TRIP11: variants seen among roughly 807,000 people sequenced by gnomAD.
TRIP11 encodes the protein thyroid hormone receptor interactor 11, also known as thyroid receptor-interacting protein 11.
A neutral mutation model predicts 223.1 loss-of-function variants in TRIP11; 148 were observed. The ratio of observed to expected loss-of-function variants is 0.66; its 90% confidence interval spans 0.58 to 0.76. The LOEUF (loss-of-function observed/expected upper bound fraction) is 0.76. TRIP11 is among the 30% of genes least tolerant of loss of function. The pLI is 0.00. For missense variants in TRIP11, 2,043 were observed against 2,222.0 expected, an observed-to-expected ratio of 0.92 and a Z score of 1.62; for synonymous variants, 762 against 772.6, an observed-to-expected ratio of 0.99 and a Z score of 0.23.
chr14:92,012,292 T>C (rs541452278), intron 7 of TRIP11, among the ~76,000 whole-genome samples: 24 of 152,238 alleles, frequency 1.6e-4, no homozygotes, highest in Non-Finnish European at 2.9e-4. Context: ...GATAGATCTA[T>C]AAAAAGAAGA....
chr14:91,968,464 T>C lies in TRIP11; in HGVS notation c.*1209A>G, dbSNP rs2056361282. Reference sequence around the variant, plus strand: ...ACCGTGATAACAGTTGACTCTCGGATTGCTGTACCTCATATGTCAACACCG... The same window carrying C: ...ACCGTGATAACAGTTGACTCTCGGACTGCTGTACCTCATATGTCAACACCG... On this transcript the variant is annotated 3_prime_UTR_variant, in exon 21 of 21. Coordinates refer to ENST00000267622, the MANE Select transcript of TRIP11 (RefSeq NM_004239.4). 1 of 212,910 alleles carries C rather than the reference T, an allele frequency of 4.7e-6. No individual in the cohort carries two copies. The highest frequency in any genetic ancestry group is 5.9e-5 in the Admixed American group (1 of 16,958). 13.2% of individuals were successfully genotyped at this position (212,910 alleles called of 1,614,324 possible).
chr14:92,035,953 T>G (rs2140152338), intron 1 of TRIP11, among the ~76,000 whole-genome samples: 1 of 152,322 alleles, frequency 6.6e-6, no homozygotes, highest in East Asian at 1.9e-4. Context: ...AAACCCATCC[T>G]GGGCCACATG....
Position 92,003,708 on chromosome 14 carries a change from A to G in TRIP11, c.4268T>C (p.Leu1423Pro), listed in dbSNP as rs1424857478. The change falls in exon 11 of 21, where the codon CTA becomes CCA. Residue 1423 changes from leucine (L) to proline (P), a missense_variant. Coordinates refer to ENST00000267622, the MANE Select transcript of TRIP11 (RefSeq NM_004239.4). ...AGTGAAATTTTCATTGGAAGAAAGTAGTTGATCACTTTTGGCTTTGATTAA... is the reference window on the plus strand; with the variant it reads ...AGTGAAATTTTCATTGGAAGAAAGTGGTTGATCACTTTTGGCTTTGATTAA... ...DLLIKAKSDQ[L>P]LSSNENFTNK... The G allele has an allele frequency of 1.9e-6, 3 of 1,614,200 alleles. No homozygotes were observed. The highest frequency in any genetic ancestry group is 2.5e-6 in the Non-Finnish European group (3 of 1,180,030).
intron 17 of TRIP11, among the ~76,000 whole-genome samples, chr14:91,975,816 G>A (rs760153059): frequency 8.6e-5 from 13 of 151,996 alleles, no homozygotes; most frequent in Non-Finnish European, 1.6e-4. Context: ...AAAAAAGAAT[G>A]GTAAAAATAA....
At chr14:92,000,555 C>CA (rs2056810841) in intron 11 of TRIP11, among the ~76,000 whole-genome samples, 1 of 152,104 alleles carries the variant, frequency 6.6e-6, no homozygotes, top group Admixed American at 6.5e-5. Flanking sequence ...CCTATCTTTG[C>CA]AAATTTTCTA....
Position 91,966,766 on chromosome 14 carries a change from A to T in TRIP11, c.*2907T>A, listed in dbSNP as rs571421519. On this transcript the variant is annotated 3_prime_UTR_variant, in exon 21 of 21. Coordinates refer to ENST00000267622, the MANE Select transcript of TRIP11 (RefSeq NM_004239.4). Reference sequence around the variant, plus strand: ...CCAGTATTATGCTAAAATTAAATTCAGTAGTTAGATGAATTTTCTACTACA... The same window carrying T: ...CCAGTATTATGCTAAAATTAAATTCTGTAGTTAGATGAATTTTCTACTACA... The T allele has an allele frequency of 4.7e-6, 1 of 213,374 alleles. No individual in the cohort carries two copies. Among genetic ancestry groups the T allele is most frequent in the South Asian group, 1.9e-4 (1 of 5,348 alleles). 13.2% of individuals were successfully genotyped at this position (213,374 alleles called of 1,614,324 possible).
In TRIP11 at chr14:92,039,611, G is replaced by A. The variant is rs139842707; in HGVS notation, c.75C>T (p.Ser25=). The A allele has an allele frequency of 1.7e-5, 27 of 1,613,234 alleles. No homozygotes were observed. In the African/African-American group the frequency reaches 3.1e-4, roughly 18 times the overall value. The change falls in exon 1 of 21, where the codon TCC becomes TCT. Residue 25 remains serine, a synonymous_variant. Coordinates refer to ENST00000267622, the MANE Select transcript of TRIP11 (RefSeq NM_004239.4). Reference sequence around the variant, plus strand: ...TAAAGTTTGATATCTGGCCAGTGAGGGAAGCCAGGCTGCCCCCGACTTGAC... The same window carrying A: ...TAAAGTTTGATATCTGGCCAGTGAGAGAAGCCAGGCTGCCCCCGACTTGAC... The part of the protein sequence containing the change: ...SLGQVGGSLA[S]LTGQISNFTK...
rs2056881053 is a variant in TRIP11 at position 92,005,065 on chromosome 14, T to C, written c.2911A>G (p.Thr971Ala). Residue 971 changes from threonine to alanine, a missense_variant, in exon 11 of 21, where the codon ACA becomes GCA. By Grantham distance (58) the Thr-to-Ala change is moderately conservative. Transcript: ENST00000267622. ...KDEEIKSLQKTIEQIKTQLHE... is the reference protein window; with the variant it reads ...KDEEIKSLQKAIEQIKTQLHE... Reference sequence around the variant, plus strand: ...AACTGGGTTTTGATTTGTTCAATTGTTTTTTGCAAACTCTTAATTTCCTCA... The same window carrying C: ...AACTGGGTTTTGATTTGTTCAATTGCTTTTTGCAAACTCTTAATTTCCTCA... 5.6e-6 allele frequency: 9 copies of C among 1,613,870 alleles called. No homozygotes were observed. The highest frequency in any genetic ancestry group is 6.8e-6 in the Non-Finnish European group (8 of 1,180,044).
At chr14:91,995,859 A>G (rs1266695714) in intron 13 of TRIP11, among the ~76,000 whole-genome samples, 2 of 151,944 alleles carry the variant, frequency 1.3e-5, no homozygotes, top group Non-Finnish European at 2.9e-5. Context: ...CAGGTAATCC[A>G]CCCACCTTGG....
chr14:92,029,955 T>C (rs2057242180), intron 2 of TRIP11, among the ~76,000 whole-genome samples: 1 of 152,016 alleles, frequency 6.6e-6, no homozygotes. Flanking sequence ...CCCAGCACTT[T>C]GGGAGGCCGA....
In TRIP11 at chr14:91,995,236, C is replaced by A; in HGVS notation, c.5056+116G>T. 1.1e-5 allele frequency: 13 copies of A among 1,234,102 alleles called. No homozygotes were observed. The South Asian group carries it at 1.4e-4, about 13-fold the overall frequency. 76.4% of individuals were successfully genotyped at this position (1,234,102 alleles called of 1,614,324 possible). A position where few individuals can be genotyped will look rare whatever the true frequency, so the allele number is the denominator to read the frequency against. ...GATGGCTACTCACCCTTCCCCTCTA[C>A]CAGTGGGTAACCTTTCAGAGATTTC... On this transcript the variant is annotated intron_variant, in intron 14 of 20. Transcript: ENST00000267622.
intron 20 of TRIP11, among the ~76,000 whole-genome samples, chr14:91,970,368 G>A (rs553228430): frequency 1.3e-5 from 2 of 151,920 alleles, no homozygotes; most frequent in East Asian, 3.9e-4. Context: ...ACTGGAGATC[G>A]CACCACTGCA....
intron 1 of TRIP11, among the ~76,000 whole-genome samples, chr14:92,036,806 C>A (rs1268067265): frequency 6.6e-6 from 1 of 152,202 alleles, no homozygotes; most frequent in Non-Finnish European, 1.5e-5. Flanking sequence ...GCAATCGCAG[C>A]TCACTGGAGC....
At chr14:91,981,311 C>T (rs1352468000) in intron 16 of TRIP11, among the ~76,000 whole-genome samples, 4 of 151,166 alleles carry the variant, frequency 2.6e-5, no homozygotes, top group African/African-American at 9.7e-5. Flanking sequence ...CCACCGCACC[C>T]GGCCCAAATA....
Position 91,988,305 on chromosome 14 carries a change from T to G in TRIP11, c.5239A>C (p.Ile1747Leu). The G allele has an allele frequency of 1.9e-6, 3 of 1,612,880 alleles. No homozygotes were observed. Among genetic ancestry groups the G allele is most frequent in the Non-Finnish European group, 2.5e-6 (3 of 1,179,658 alleles). ...CTACTTTGTCTTTTAAGTTCTTCAA[T>G]TTGTTCTTCTTTTACATCTAACTGT... ...TEQLDVKEEQ[I>L]EELKRQNELR... The change falls in exon 16 of 21, where the codon ATT (isoleucine) becomes CTT (leucine). Residue 1747 changes from isoleucine (I) to leucine (L), a missense_variant. Ile to Leu is a conservative substitution (Grantham distance 5). Transcript: ENST00000267622.
intron 2 of TRIP11, among the ~76,000 whole-genome samples, chr14:92,027,649 T>C (rs1429139859): frequency 2.6e-5 from 4 of 152,128 alleles, no homozygotes; most frequent in Non-Finnish European, 5.9e-5. Context: ...TAATTGCAGA[T>C]AACAATTTAC....
At chr14:92,015,480 G>A (rs1402891211) in intron 6 of TRIP11, among the ~76,000 whole-genome samples, 1 of 151,810 alleles carries the variant, frequency 6.6e-6, no homozygotes, top group Non-Finnish European at 1.5e-5. Flanking sequence ...CCAATATGGC[G>A]AAACCCTATT....
At chr14:91,976,048 T>A in intron 17 of TRIP11, 60 bp downstream of exon 17, 2 of 1,520,808 alleles carry the variant, frequency 1.3e-6, no homozygotes, top group Non-Finnish European at 1.8e-6. Context: ...TTAGAAGTTT[T>A]TTTTTAACCA....
intron 3 of TRIP11, among the ~76,000 whole-genome samples, chr14:92,023,982 A>G (rs1595405026): frequency 2.0e-5 from 3 of 151,842 alleles, no homozygotes; most frequent in African/African-American, 7.3e-5. Context: ...CAGCCTCCCA[A>G]GTAGCTGAGA....
Sources: allele counts gnomAD v4.1 joint callset (sites outside exome capture counted in the v4.1 genomes callset), GRCh38; gene constraint gnomAD v4.1.1; transcripts MANE v1.5; gene names NCBI Gene and HGNC (gene_info 2026-07-23, HGNC 2026-07-21).